Variants in UBE2C observed in about 807,000 individuals in gnomAD.
The protein encoded by UBE2C is ubiquitin-conjugating enzyme E2 C.
Under a neutral mutation model 23.5 loss-of-function variants are expected in UBE2C, and 16 were observed. The observed-to-expected ratio is 0.68, with a 90% CI of 0.46 to 1.03. The LOEUF is 1.03. Ranked by LOEUF, UBE2C falls within the 50% of genes least tolerant of loss-of-function variation. The pLI is 0.00. For synonymous variants in UBE2C, 76 were observed against 91.6 expected, an observed-to-expected ratio of 0.83 and a Z score of 0.97; for missense variants, 192 against 227.6, an observed-to-expected ratio of 0.84 and a Z score of 1.01.
intron 5 of UBE2C, 126 bp downstream of exon 5, chr20:45,816,039 C>A: frequency 1.1e-6 from 1 of 926,046 alleles, no homozygotes; most frequent in Non-Finnish European, 1.7e-6. Context: ...GGCAGCAACC[C>A]ACTTCTGTTT....
Position 45,812,656 on chromosome 20 carries a change from G to A in UBE2C, c.-40G>A, listed in dbSNP as rs745822894. The A allele has an allele frequency of 1.3e-6, 2 of 1,548,142 alleles. No homozygotes were observed. Among genetic ancestry groups the A allele is most frequent in the African/African-American group, 1.4e-5 (1 of 73,014 alleles). On this transcript the variant is annotated 5_prime_UTR_variant, in exon 1 of 6. In the 5' UTR this introduces an upstream ATG that the reference lacks. Coordinates refer to ENST00000356455, the MANE Select transcript of UBE2C (RefSeq NM_007019.4). ...GGCCCGCAGTCCTGCAGTTGCAGTC[G>A]TGTTCTCCGAGTTCCTGTCTCTCTG... is the stretch of plus-strand genomic sequence containing the variant.
intron 5 of UBE2C, among the ~76,000 whole-genome samples, chr20:45,816,268 C>T (rs953528323): frequency 2.6e-5 from 4 of 152,144 alleles, no homozygotes; most frequent in Admixed American, 6.5e-5. Context: ...GGGAGAATGC[C>T]GGGCTGGGAA....
Position 45,815,762 on chromosome 20 carries a change from C to T in UBE2C, c.421+17C>T, listed in dbSNP as rs971347371. ...TTCTAGGAGGTGACTTTAGAGACCACCCCTCCCCTCCATGCAACTTGGGAA... is the reference window on the plus strand; with the variant it reads ...TTCTAGGAGGTGACTTTAGAGACCATCCCTCCCCTCCATGCAACTTGGGAA... On this transcript the variant is annotated intron_variant, in intron 4 of 5. Transcript: ENST00000356455. The T allele has an allele frequency of 1.9e-6, 3 of 1,611,234 alleles. No homozygotes were observed. The highest frequency in any genetic ancestry group is 1.7e-5 in the Admixed American group (1 of 59,896).
chr20:45,816,579 G>A, intron 5 of UBE2C, 130 bp from the exon 6 acceptor site: 3 of 732,074 alleles, frequency 4.1e-6, no homozygotes, highest in Middle Eastern at 2.6e-4. Flanking sequence ...AGAGGTTGCA[G>A]TGAGCAGACA....
intron 4 of UBE2C, 22 bp downstream of exon 4, chr20:45,815,767 C>T: frequency 1.2e-6 from 2 of 1,611,910 alleles, no homozygotes; most frequent in East Asian, 4.5e-5. Flanking sequence ...GACCACCCCT[C>T]CCCTCCATGC....
At position 45,813,518 on chromosome 20, in the gene UBE2C, CCTT is replaced by C. The variant is rs1472880147; in HGVS notation, c.129+55_129+57del. ...CCTTCCATCCAATTTTCAGTAGCCT[CCTT>C]TTTTCCGTCAGCTTTTTTGCTAGAC... On this transcript the variant is annotated intron_variant, in intron 2 of 5. Transcript: ENST00000356455. The C allele has an allele frequency of 5.0e-6, 8 of 1,613,006 alleles. No individual in the cohort carries two copies. In the Admixed American group the frequency reaches 8.3e-5, roughly 17 times the overall value.
At position 45,816,898 on chromosome 20, in the gene UBE2C, T is replaced by C; in HGVS notation, c.*131T>C. ...TTTTGTTTTGTTTTTGTCTTTTAAA[T>C]TAAGCCTCGGTTGAGCCCTTGTATA... On this transcript the variant is annotated 3_prime_UTR_variant, in exon 6 of 6. Transcript: ENST00000356455. The C allele has an allele frequency of 1.3e-6, 1 of 765,228 alleles. No homozygotes were observed. The highest frequency in any genetic ancestry group is 1.8e-5 in the African/African-American group (1 of 55,836). The allele number at this position is 765,228 out of a possible 1,614,324, so 47.4% of individuals were successfully genotyped here.
At chr20:45,815,474 TG>T in intron 3 of UBE2C, 66 bp from the exon 4 acceptor site, 4 of 1,614,170 alleles carry the variant, frequency 2.5e-6, no homozygotes, top group Non-Finnish European at 3.4e-6. Flanking sequence ...GCCCCTTGTG[TG>T]GGGCTTGGGT....
chr20:45,813,855 A>G (rs2145714968), intron 2 of UBE2C, among the ~76,000 whole-genome samples: 1 of 152,142 alleles, frequency 6.6e-6, no homozygotes, highest in Non-Finnish European at 1.5e-5. Context: ...TTATAATCCC[A>G]ACACTTTGGG....
intron 2 of UBE2C, among the ~76,000 whole-genome samples, chr20:45,814,057 C>T (rs1003661947): frequency 8.6e-5 from 13 of 151,342 alleles, no homozygotes; most frequent in African/African-American, 2.4e-4. Context: ...GTGAGCCGAG[C>T]GCACCACTGC....
rs546303107 is a variant in UBE2C, at chr20:45,816,688, G to A, written c.482-21G>A. ...TCATCCTGTCTCCATCACTCACTGA[G>A]ACCTGCCTGTTCTCTTCCAGCTTTT... On this transcript the variant is annotated intron_variant, in intron 5 of 5. Coordinates refer to ENST00000356455, the MANE Select transcript of UBE2C (RefSeq NM_007019.4). 3 of 1,611,244 alleles carry A rather than the reference G, an allele frequency of 1.9e-6. No homozygotes were observed. The East Asian group carries it at 6.7e-5, about 36-fold the overall frequency.
At chr20:45,816,386 A>G (rs1192381357) in intron 5 of UBE2C, among the ~76,000 whole-genome samples, 1 of 152,110 alleles carries the variant, frequency 6.6e-6, no homozygotes, top group Non-Finnish European at 1.5e-5. Context: ...CTGTAATCCT[A>G]GCACTTGGGG....
chr20:45,812,791 C>A lies in UBE2C; in HGVS notation c.96C>A (p.Gly32=). The change falls in exon 1 of 6, where the codon GGC becomes GGA. Residue 32 remains glycine, a synonymous_variant. Transcript: ENST00000356455. ...PSGGAARGPV[G]KRLQQELMTL... ...GGGGCGCCGCCCGGGGTCCGGTGGG[C>A]AAAAGGTGAGTGATGCGGCCTACCA... is the stretch of plus-strand genomic sequence containing the variant. 1 of 1,555,484 alleles carries A rather than the reference C, an allele frequency of 6.4e-7. No homozygotes were observed. The highest frequency in any genetic ancestry group is 8.7e-7 in the Non-Finnish European group (1 of 1,149,670).
rs367766260 is a variant in UBE2C, at chr20:45,816,824, G to T, written c.*57G>T. 3.5e-5 allele frequency: 52 copies of T among 1,492,054 alleles called. No individual in the cohort carries two copies. The African/African-American group carries it at 6.5e-4, about 19-fold the overall frequency. The allele number at this position is 1,492,054 out of a possible 1,614,324, so 92.4% of individuals were successfully genotyped here. On this transcript the variant is annotated 3_prime_UTR_variant, in exon 6 of 6. Transcript: ENST00000356455. ...TTTTTAATTTTTCCTTAGATGGTCTGTCCTTTTTGTGATTTCTGTATAGGA... is the reference window on the plus strand; with the variant it reads ...TTTTTAATTTTTCCTTAGATGGTCTTTCCTTTTTGTGATTTCTGTATAGGA...
At chr20:45,814,250 A>ATATG (rs202172567) in intron 2 of UBE2C, 134 bp from the exon 3 acceptor site, 3 of 352,754 alleles carry the variant, frequency 8.5e-6, no homozygotes, top group African/African-American at 7.8e-5. Context: ...ATACATATAT[A>ATATG]TGTGTGTGTG....
rs895229911 is a variant in UBE2C, at chr20:45,814,567, ACTC to A, written c.216+103_216+105del. 8.7e-5 allele frequency: 77 copies of A among 887,034 alleles called. No individual in the cohort carries two copies. In the African/African-American group the frequency reaches 1.1e-3, roughly 13 times the overall value. 54.9% of individuals were successfully genotyped at this position (887,034 alleles called of 1,614,324 possible). A position where few individuals can be genotyped will look rare whatever the true frequency, so the allele number is the denominator to read the frequency against. On this transcript the variant is annotated intron_variant, in intron 3 of 5. Transcript: ENST00000356455. ...CTTCAAGCCTTTGGCGGAGCAAGACACTCCTCCTGTGACTGTTTACATTCTCTG... is the reference window on the plus strand; with the variant it reads ...CTTCAAGCCTTTGGCGGAGCAAGACACTCCTGTGACTGTTTACATTCTCTG...
At chr20:45,815,067 GACCTCAAGATCCACCCGCCTCGGCCTCCC>G (rs1316983354) in intron 3 of UBE2C, among the ~76,000 whole-genome samples, 2 of 151,818 alleles carry the variant, frequency 1.3e-5, no homozygotes, top group Non-Finnish European at 2.9e-5. Context: ...TCGATCTCCT[GACCTCAAGATCCACCCGCCTCGGCCTCCC>G]AAAGTGCTGG....
chr20:45,815,572 T>C lies in UBE2C; in HGVS notation c.248T>C (p.Leu83Pro). 1 of 1,614,086 alleles carries C rather than the reference T, an allele frequency of 6.2e-7. No homozygotes were observed. The highest frequency in any genetic ancestry group is 8.5e-7 in the Non-Finnish European group (1 of 1,180,022). Residue 83 changes from leucine to proline, a missense_variant, in exon 4 of 6, where the codon CTA (leucine) becomes CCA (proline). Physicochemically the swap from Leu to Pro is moderately conservative, Grantham distance 98. Transcript: ENST00000356455. Reference protein sequence around the residue: ...VYEDLRYKLSLEFPSGYPYNA... With the variant: ...VYEDLRYKLSPEFPSGYPYNA... ...GAAGACCTGAGGTATAAGCTCTCGCTAGAGTTCCCCAGTGGCTACCCTTAC... is the reference window on the plus strand; with the variant it reads ...GAAGACCTGAGGTATAAGCTCTCGCCAGAGTTCCCCAGTGGCTACCCTTAC...
At chr20:45,813,205 G>A in intron 1 of UBE2C, 2 of 1,435,610 alleles carry the variant, frequency 1.4e-6, no homozygotes, top group East Asian at 2.5e-5. Flanking sequence ...GCTAAAGCCT[G>A]GGGAATTAAG....
Sources: gnomAD v4.1 joint callset for allele counts (sites outside exome capture counted in the v4.1 genomes callset) on GRCh38, gnomAD v4.1.1 for gene constraint, MANE v1.5 for transcripts, NCBI Gene and HGNC (gene_info 2026-07-23, HGNC 2026-07-21) for gene names.